Variants in AKR1C3 observed in about 807,000 individuals in gnomAD.
AKR1C3 encodes 3-alpha hydroxysteroid dehydrogenase, type II.
AKR1C3 carries 48 observed loss-of-function variants against 43.6 expected under a neutral mutation model. That is an observed-to-expected ratio of 1.10 (90% CI 0.87 to 1.40). The LOEUF (loss-of-function observed/expected upper bound fraction) is 1.40. Ranked by LOEUF, AKR1C3 falls within the 40% of genes most tolerant of loss-of-function variation. The pLI is 0.00. For synonymous variants in AKR1C3, 162 were observed against 139.6 expected (o/e 1.16, Z -1.13); for missense variants, 482 against 391.2 (o/e 1.23, Z -1.96).
chr10:5,097,497 G>A lies in AKR1C3; in HGVS notation c.316G>A (p.Ala106Thr), dbSNP rs4987102. 2.2e-5 allele frequency: 36 copies of A among 1,613,778 alleles called. No individual in the cohort carries two copies. The East Asian group carries it at 6.2e-4, about 28-fold the overall frequency. The change falls in exon 3 of 9, where the codon GCT becomes ACT. Residue 106 changes from alanine to threonine, a missense_variant. Ala to Thr is a moderately conservative substitution (Grantham distance 58). Coordinates refer to ENST00000380554, the MANE Select transcript of AKR1C3 (RefSeq NM_003739.6). ...RPALENSLKK[A>T]QLDYVDLYLI... ...AGCCTTGGAAAACTCACTGAAGAAA[G>A]CTCAATTGGACTATGTTGACCTCTA...
At chr10:5,080,380 T>C (rs1165569121) in intron 1 of AKR1C3, among the ~76,000 whole-genome samples, 2 of 152,136 alleles carry the variant, frequency 1.3e-5, no homozygotes, top group African/African-American at 4.8e-5. Context: ...TCCCAGCATG[T>C]TGGAAGGCTA....
rs182412028 is a variant in AKR1C3, at chr10:5,052,011, C to T, written c.84+3116C>T. ...TGGAATTGGTGGGTTCTTGGTCTCA[C>T]TGACTTCAAGAATGAAGCCGTGGAC... On this transcript the variant is annotated intron_variant, in intron 1 of 8. Coordinates refer to the AKR1C3 transcript ENST00000439082. Among the ~76,000 whole-genome samples the T allele has an allele frequency of 1.5e-3, 231 of 152,330 alleles. 1 individual carries two copies. Among genetic ancestry groups the T allele is most frequent in the Middle Eastern group, 0.014 (4 of 294 alleles).
chr10:5,093,223 T>G (rs1182133629), upstream of AKR1C3, among the ~76,000 whole-genome samples: 1 of 152,094 alleles, frequency 6.6e-6, no homozygotes, highest in African/African-American at 2.4e-5. Flanking sequence ...CATAAATAAA[T>G]AAGTTTATTT....
chr10:5,076,893 C>G (rs1554781898), intron 1 of AKR1C3, among the ~76,000 whole-genome samples: 1 of 152,086 alleles, frequency 6.6e-6, no homozygotes, highest in Admixed American at 6.5e-5. Flanking sequence ...AATTATGTGG[C>G]TACTTGGCGC....
chr10:5,086,843 T>A (rs1838976459), intron 1 of AKR1C3, among the ~76,000 whole-genome samples: 1 of 152,188 alleles, frequency 6.6e-6, no homozygotes, highest in African/African-American at 2.4e-5. Context: ...GCCTTCTTTG[T>A]CTCTTTTGAT....
chr10:5,102,241 C>T (rs782228709), intron 6 of AKR1C3, 31 bp downstream of exon 6: 5 of 1,598,402 alleles, frequency 3.1e-6, no homozygotes, highest in Middle Eastern at 1.7e-4. Flanking sequence ...TTTACATAAA[C>T]CTTCATTTTG....
intron 1 of AKR1C3, among the ~76,000 whole-genome samples, chr10:5,085,287 C>T (rs6601902): frequency 9.2e-5 from 14 of 151,640 alleles, no homozygotes; most frequent in African/African-American, 2.4e-4. Context: ...TAGCATGAAG[C>T]GTTGTTGAAT....
intron 1 of AKR1C3, among the ~76,000 whole-genome samples, chr10:5,085,793 T>A (rs1415355141): frequency 6.6e-6 from 1 of 151,852 alleles, no homozygotes; most frequent in Non-Finnish European, 1.5e-5. Context: ...TTCTTCCTGG[T>A]TTAGTCTTGG....
At chr10:5,082,736 G>A (rs1838863923) in intron 1 of AKR1C3, among the ~76,000 whole-genome samples, 1 of 152,076 alleles carries the variant, frequency 6.6e-6, no homozygotes, top group Non-Finnish European at 1.5e-5. Flanking sequence ...TGTTTTCCAA[G>A]GATATGTTCC....
chr10:5,069,251 G>A (rs1222211181), intron 1 of AKR1C3, among the ~76,000 whole-genome samples: 2 of 152,164 alleles, frequency 1.3e-5, no homozygotes, highest in Admixed American at 6.5e-5. Flanking sequence ...TTCTCCCTGA[G>A]TGGCCCTAGG....
chr10:5,106,648 G>C (rs1839506453), intron 8 of AKR1C3, among the ~76,000 whole-genome samples: 1 of 152,088 alleles, frequency 6.6e-6, no homozygotes, highest in South Asian at 2.1e-4. Context: ...CTACTTGGAA[G>C]GCTGAGGCAG....
rs529301489 is a variant in AKR1C3 at position 5,052,099 on chromosome 10, C to T, written c.84+3204C>T. On this transcript the variant is annotated intron_variant, in intron 1 of 8. Coordinates refer to the AKR1C3 transcript ENST00000439082. ...GAGTTTTTTCCTTCTGATGTTCGGA[C>T]GTATTCGGAGTTTATTCCTTCTGGT... 2.0e-3 allele frequency among the ~76,000 whole-genome samples: 301 copies of T among 152,176 alleles called. 2 individuals are homozygous for T. Among genetic ancestry groups the T allele is most frequent in the African/African-American group, 6.4e-3 (264 of 41,516 alleles).
chr10:5,063,791 G>GAAAAAAAAAAAAAAAAA, intron 1 of AKR1C3, among the ~76,000 whole-genome samples: 484 of 72,516 alleles, frequency 6.7e-3, no homozygotes, highest in Non-Finnish European at 9.8e-3. Flanking sequence ...AAAAAAAAAG[G>GAAAAAAAAAAAAAAAAA]AAAATGGCAC....
upstream of AKR1C3, among the ~76,000 whole-genome samples, chr10:5,092,194 T>C (rs1839106739): frequency 6.6e-6 from 1 of 152,156 alleles, no homozygotes; most frequent in Admixed American, 6.6e-5. Context: ...TACAGAGTTA[T>C]GTTTCTCCTG....
chr10:5,063,686 C>T (rs1459740511), intron 1 of AKR1C3, among the ~76,000 whole-genome samples: 2 of 136,710 alleles, frequency 1.5e-5, no homozygotes, highest in African/African-American at 5.4e-5. Flanking sequence ...ACTCAGAAGC[C>T]TCAGAGGCAG....
chr10:5,098,291 T>C (rs890916317), intron 3 of AKR1C3: 69 of 681,314 alleles, frequency 1.0e-4, no homozygotes, highest in East Asian at 1.4e-4. Context: ...AACTTTTTCA[T>C]TGGTGGCGAT....
intron 1 of AKR1C3, among the ~76,000 whole-genome samples, chr10:5,053,693 G>A (rs782006384): frequency 1.3e-5 from 2 of 152,230 alleles, no homozygotes; most frequent in Non-Finnish European, 2.9e-5. Flanking sequence ...CACCCTAACT[G>A]CTGTTGGGAA....
At chr10:5,073,145 G>A (rs887183055) in intron 1 of AKR1C3, among the ~76,000 whole-genome samples, 3 of 151,944 alleles carry the variant, frequency 2.0e-5, no homozygotes, top group Non-Finnish European at 4.4e-5. Flanking sequence ...TGTATTCTTA[G>A]TAGAGATGTG....
At position 5,102,590 on chromosome 10, in the gene AKR1C3, G is replaced by A; in HGVS notation, c.786G>A (p.Gln262=). The change falls in exon 7 of 9, where the codon CAG becomes CAA. Residue 262 remains glutamine (Q), a synonymous_variant. Coordinates refer to ENST00000380554, the MANE Select transcript of AKR1C3 (RefSeq NM_003739.6). The part of the protein sequence containing the change: ...PALIALRYQL[Q]RGVVVLAKSY... ...TGATTGCCCTGCGCTACCAGCTGCA[G>A]CGTGGGGTTGTGGTCCTGGCCAAGA... The A allele has an allele frequency of 6.5e-7, 1 of 1,543,704 alleles. No individual in the cohort carries two copies. Among genetic ancestry groups the A allele is most frequent in the Non-Finnish European group, 8.7e-7 (1 of 1,143,116 alleles).
Sources: gnomAD v4.1 joint callset for allele counts (sites outside exome capture counted in the v4.1 genomes callset) on GRCh38, gnomAD v4.1.1 for gene constraint, MANE v1.5 for transcripts, NCBI Gene and HGNC (gene_info 2026-07-23, HGNC 2026-07-21) for gene names.